NGLY1: variants seen among roughly 807,000 people sequenced by gnomAD.
NGLY1 encodes the protein N-glycanase 1.
NGLY1 carries 68 observed loss-of-function variants against 84.6 expected under a neutral mutation model. That is an observed-to-expected ratio of 0.80 (90% CI 0.66 to 0.98). The LOEUF is 0.98. Ranked by LOEUF, NGLY1 falls within the 50% of genes least tolerant of loss-of-function variation. The pLI, the probability that NGLY1 is intolerant of heterozygous loss-of-function variation, is 0.00. For missense variants in NGLY1, 779 were observed against 770.2 expected, an observed-to-expected ratio of 1.01 and a Z score of -0.14; for synonymous variants, 280 against 275.2, an observed-to-expected ratio of 1.02 and a Z score of -0.17.
intron 4 of NGLY1, among the ~76,000 whole-genome samples, chr3:25,747,017 G>A (rs1706470750): frequency 6.6e-6 from 1 of 152,084 alleles, no homozygotes. Flanking sequence ...TGCATTTTTA[G>A]TACAGACGGG....
rs1464180991 is a variant in NGLY1 at position 25,729,226 on chromosome 3, T to C, written c.1518A>G (p.Arg506=). Residue 506 remains arginine (R), a synonymous_variant, in exon 10 of 12, where the codon CGA becomes CGG. Transcript: ENST00000280700. ...AAATGGTTTGATTGTTATTTGAAAC[T>C]CGAACATAACGATCTTTCACAATAT... ...CYNIVKDRYV[R]VSNNNQTISG... 6.4e-7 allele frequency: 1 copy of C among 1,562,536 alleles called. No individual in the cohort carries two copies. Among genetic ancestry groups the C allele is most frequent in the Non-Finnish European group, 8.7e-7 (1 of 1,150,624 alleles).
At chr3:25,720,958 T>C (rs1406371959) in intron 10 of NGLY1, among the ~76,000 whole-genome samples, 1 of 67,278 alleles carries the variant, frequency 1.5e-5, no homozygotes, top group Non-Finnish European at 5.0e-5. Flanking sequence ...ATTCTATGTA[T>C]TTGTTTGAAA....
intron 3 of NGLY1, among the ~76,000 whole-genome samples, chr3:25,763,203 C>T (rs1707398451): frequency 6.6e-6 from 1 of 152,082 alleles, no homozygotes; most frequent in Non-Finnish European, 1.5e-5. Flanking sequence ...AGCCAGGACA[C>T]TAACAAAATA....
chr3:25,731,734 T>G (rs1705545957), intron 9 of NGLY1, among the ~76,000 whole-genome samples: 1 of 152,070 alleles, frequency 6.6e-6, no homozygotes, highest in South Asian at 2.1e-4. Context: ...TACAATAAAT[T>G]ATACAGCAAT....
chr3:25,719,713 T>C (rs1704881912), intron 11 of NGLY1, 78 bp from the exon 12 acceptor site: 3 of 1,141,966 alleles, frequency 2.6e-6, no homozygotes, highest in African/African-American at 3.1e-5. Flanking sequence ...ATGTATTTTA[T>C]ATAGGCTGAT....
At chr3:25,790,018 C>G in exon 1 of NGLY1, 4 of 920,310 alleles carry the variant, frequency 4.3e-6, no homozygotes, top group Non-Finnish European at 6.9e-6. Context: ...GAGAGTCGAA[C>G]GGGACGCGTG....
chr3:25,784,671 G>C (rs1162958129), upstream of NGLY1, among the ~76,000 whole-genome samples: 2 of 152,108 alleles, frequency 1.3e-5, no homozygotes, highest in East Asian at 3.8e-4. Context: ...TTTAAGAATT[G>C]AAATTTTCTT....
At chr3:25,755,872 G>A (rs551530199) in intron 3 of NGLY1, among the ~76,000 whole-genome samples, 1 of 152,030 alleles carries the variant, frequency 6.6e-6, no homozygotes, top group Non-Finnish European at 1.5e-5. Flanking sequence ...TTAAGTACTT[G>A]TTTCTTAATA....
In NGLY1 at chr3:25,755,018, A is replaced by C. The variant is rs1482596676; in HGVS notation, c.493-3755T>G. On this transcript the variant is annotated intron_variant, in intron 3 of 11. Transcript: ENST00000280700. Reference sequence around the variant, plus strand: ...GAAGGATATGGGAATCACAGACTACAAACCAAAGGTTATAAATCAAATTTT... The same window carrying C: ...GAAGGATATGGGAATCACAGACTACCAACCAAAGGTTATAAATCAAATTTT... 4 of 958,760 alleles carry C rather than the reference A, an allele frequency of 4.2e-6. No homozygotes were observed. The African/African-American group carries it at 4.8e-5, about 12-fold the overall frequency. The allele number at this position is 958,760 out of a possible 1,614,324, so 59.4% of individuals were successfully genotyped here.
rs371123677 is a variant in NGLY1 at position 25,767,977 on chromosome 3, G to A, written c.247-3666C>T. ...AAAACACAAAAATTAGCTGGGCGTG[G>A]TGGCAGGCACCTGTAATCCCAGCTA... is the stretch of plus-strand genomic sequence containing the variant. On this transcript the variant is annotated intron_variant, in intron 2 of 11. Transcript: ENST00000280700. 2.6e-5 allele frequency among the ~76,000 whole-genome samples: 4 copies of A among 151,690 alleles called. No homozygotes were observed. In the East Asian group the frequency reaches 5.8e-4, roughly 22 times the overall value.
At chr3:25,768,411 GAA>G (rs1239683942) in intron 2 of NGLY1, among the ~76,000 whole-genome samples, 1 of 123,010 alleles carries the variant, frequency 8.1e-6, no homozygotes, top group East Asian at 2.7e-4. Context: ...AACAAGAGGT[GAA>G]ACTCCATCTA....
intron 2 of NGLY1, among the ~76,000 whole-genome samples, chr3:25,777,384 A>G (rs1015913119): frequency 7.3e-6 from 1 of 137,740 alleles, no homozygotes; most frequent in Admixed American, 7.8e-5. Flanking sequence ...AACAAGAGCG[A>G]AACTCCATCT....
At chr3:25,768,954 A>G (rs1707759869) in intron 2 of NGLY1, among the ~76,000 whole-genome samples, 1 of 152,250 alleles carries the variant, frequency 6.6e-6, no homozygotes, top group Non-Finnish European at 1.5e-5. Context: ...GAAGAGACAC[A>G]CTAGAAAGTG....
At chr3:25,742,693 C>A (rs1706212187) in intron 4 of NGLY1, among the ~76,000 whole-genome samples, 1 of 151,944 alleles carries the variant, frequency 6.6e-6, no homozygotes. Flanking sequence ...CTAGAGTAAT[C>A]TTCTTAAAAG....
Position 25,733,515 on chromosome 3 carries a change from GTA to G in NGLY1, c.1260+355_1260+356del, listed in dbSNP as rs200207470. Among the ~76,000 whole-genome samples the G allele has an allele frequency of 3.7e-4, 43 of 116,212 alleles. 1 individual carries two copies. The highest frequency in any genetic ancestry group is 9.4e-4 in the African/African-American group (29 of 30,916). The allele number at this position is 116,212 out of a possible 152,430, so 76.2% of individuals were successfully genotyped here. On this transcript the variant is annotated intron_variant, in intron 8 of 11. Coordinates refer to ENST00000280700, the MANE Select transcript of NGLY1 (RefSeq NM_018297.4). ...TGTGTGTGTGTGTGTGTGTGTGTGT[GTA>G]TGTACATACATAATACATAAATATG...
chr3:25,767,801 T>C (rs1707662932), intron 2 of NGLY1, among the ~76,000 whole-genome samples: 1 of 152,130 alleles, frequency 6.6e-6, no homozygotes, highest in Admixed American at 6.6e-5. Flanking sequence ...TATCTTACCA[T>C]ATACAAAAAT....
At chr3:25,732,156 T>C (rs1308596936) in intron 9 of NGLY1, among the ~76,000 whole-genome samples, 163 bp downstream of exon 9, 2 of 152,210 alleles carry the variant, frequency 1.3e-5, no homozygotes, top group Non-Finnish European at 2.9e-5. Context: ...GATAATGCTA[T>C]GTAAATCAAT....
chr3:25,778,898 G>A (rs1165463289), intron 1 of NGLY1, among the ~76,000 whole-genome samples: 1 of 149,856 alleles, frequency 6.7e-6, no homozygotes, highest in South Asian at 2.1e-4. Context: ...GAGATGGGGG[G>A]GGTCTCGCTT....
chr3:25,769,054 T>A (rs1375027316), intron 2 of NGLY1, among the ~76,000 whole-genome samples: 2 of 151,720 alleles, frequency 1.3e-5, no homozygotes, highest in Admixed American at 6.6e-5. Context: ...AAAAAACAAA[T>A]CTCATTTAAA....
Sources: gnomAD v4.1 joint callset for allele counts (sites outside exome capture counted in the v4.1 genomes callset) on GRCh38, gnomAD v4.1.1 for gene constraint, MANE v1.5 for transcripts, NCBI Gene and HGNC (gene_info 2026-07-23, HGNC 2026-07-21) for gene names.